Variants in PPP1R1C observed in about 807,000 individuals in gnomAD.
PPP1R1C encodes the protein protein phosphatase 1 regulatory subunit 1C.
Under a neutral mutation model 17.4 loss-of-function variants are expected in PPP1R1C, and 15 were observed. That is an observed-to-expected ratio of 0.86 (90% confidence interval 0.58 to 1.33). The LOEUF is 1.33. PPP1R1C is among the 40% of genes most tolerant of loss of function. The pLI is 0.00. For missense variants in PPP1R1C, 143 were observed against 130.0 expected (o/e 1.10, Z -0.48); for synonymous variants, 35 against 43.1 (o/e 0.81, Z 0.73).
At chr2:182,124,339 G>GTTTTTTTTTTTTTTTTTTTTTTT (rs1378403544) in intron 5 of PPP1R1C, among the ~76,000 whole-genome samples, 1 of 52,162 alleles carries the variant, frequency 1.9e-5, no homozygotes, top group African/African-American at 6.5e-5. Context: ...TTTTTTTTTT[G>GTTTTTTTTTTTTTTTTTTTTTTT]TTTTTTTTTT....
upstream of PPP1R1C, among the ~76,000 whole-genome samples, chr2:181,982,479 G>A (rs147616424): frequency 4.9e-3 from 751 of 152,208 alleles, 6 homozygotes; most frequent in Admixed American, 4.3e-3. Flanking sequence ...AGATAGGATG[G>A]GATTTGCAGT....
chr2:182,045,537 T>C lies in PPP1R1C; in HGVS notation c.143-15905T>C, dbSNP rs111630174. Among the ~76,000 whole-genome samples, 9 of 152,238 alleles carry C rather than the reference T, an allele frequency of 5.9e-5. 3 individuals carry two copies. Among genetic ancestry groups the C allele is most frequent in the African/African-American group, 2.2e-4 (9 of 41,570 alleles). On this transcript the variant is annotated intron_variant, in intron 2 of 4. Transcript: ENST00000682840. ...TTTATAATCATCCATATGTATTTAA[T>C]GTGTACAGTAACATCTTGTGATTTT... is the stretch of plus-strand genomic sequence containing the variant.
intron 2 of PPP1R1C, among the ~76,000 whole-genome samples, chr2:182,014,454 G>A (rs566706880): frequency 1.7e-4 from 25 of 150,508 alleles, no homozygotes; most frequent in South Asian, 4.2e-4. Context: ...TGATGCAGGC[G>A]TCGTGTGGCC....
upstream of PPP1R1C, among the ~76,000 whole-genome samples, chr2:181,984,788 CAT>C (rs1403823688): frequency 3.9e-5 from 6 of 152,254 alleles, no homozygotes; most frequent in African/African-American, 1.4e-4. Context: ...CATCCAAAAA[CAT>C]ATTTACAAAT....
chr2:181,961,956 G>T lies in PPP1R1C; in HGVS notation n.111+7322G>T. ...TGGATGTCACTCCCCACAGACGGGT[G>T]CATGGCCAGCTCTGTCTCATACTTG... is the stretch of plus-strand genomic sequence containing the variant. On this transcript the variant is annotated intron_variant and non_coding_transcript_variant, in intron 1 of 5. Transcript: ENST00000464264. This position sits in a 1 kb window ranked among gnomAD's most constrained non-coding sequence, Gnocchi z 5.8. The T allele has an allele frequency of 1.4e-6, 1 of 737,376 alleles. No homozygotes were observed. The highest frequency in any genetic ancestry group is 2.5e-6 in the Non-Finnish European group (1 of 399,990). The allele number at this position is 737,376 out of a possible 1,614,324, so 45.7% of individuals were successfully genotyped here.
intron 4 of PPP1R1C, among the ~76,000 whole-genome samples, chr2:182,113,864 A>T (rs1285821650): frequency 6.6e-6 from 1 of 152,178 alleles, no homozygotes; most frequent in East Asian, 1.9e-4. Flanking sequence ...ATTGATTAAA[A>T]ATATTGGCCT....
At chr2:182,037,232 A>T (rs1687038594) in intron 2 of PPP1R1C, among the ~76,000 whole-genome samples, 1 of 152,218 alleles carries the variant, frequency 6.6e-6, no homozygotes, top group African/African-American at 2.4e-5. Context: ...CTACAAGAGA[A>T]ATTCTCCTCC....
intron 2 of PPP1R1C, among the ~76,000 whole-genome samples, chr2:181,996,247 C>T (rs1685609177): frequency 6.6e-6 from 1 of 152,144 alleles, no homozygotes; most frequent in Non-Finnish European, 1.5e-5. Context: ...AGAAAAATTG[C>T]CTACCTGGAG....
At chr2:182,098,103 A>G (rs1449799036) in intron 4 of PPP1R1C, among the ~76,000 whole-genome samples, 1 of 152,140 alleles carries the variant, frequency 6.6e-6, no homozygotes, top group Non-Finnish European at 1.5e-5. Context: ...TCCATATCCT[A>G]GATGACAATT....
chr2:182,086,937 A>C lies in PPP1R1C; in HGVS notation c.241+23146A>C, dbSNP rs368918597. 2.9e-3 allele frequency among the ~76,000 whole-genome samples: 446 copies of C among 151,898 alleles called. 2 individuals carry two copies. The highest frequency in any genetic ancestry group is 0.01 in the African/African-American group (432 of 41,508). The stretch of plus-strand genomic sequence containing the variant: ...ACTACAGGGGAGAAAATACCAAAAA[A>C]AAAAACAAAAACACTTCTTTCTCTC... On this transcript the variant is annotated intron_variant, in intron 4 of 4. Transcript: ENST00000682840.
In PPP1R1C at chr2:182,079,147, T is replaced by G. The variant is rs1197245458; in HGVS notation, c.241+15356T>G. ...GCTATAAAAGAAGCTATGTAAACAC[T>G]ATATTCTGATGAAGAGGATTTAGAT... On this transcript the variant is annotated intron_variant, in intron 4 of 4. Coordinates refer to ENST00000682840, the MANE Select transcript of PPP1R1C (RefSeq NM_001080545.3). Among the ~76,000 whole-genome samples the G allele has an allele frequency of 4.6e-5, 7 of 152,318 alleles. No individual in the cohort carries two copies. In the South Asian group the frequency reaches 1.5e-3, roughly 32 times the overall value.
intron 1 of PPP1R1C, among the ~76,000 whole-genome samples, chr2:181,959,886 T>C (rs1347921321): frequency 6.6e-6 from 1 of 152,180 alleles, no homozygotes; most frequent in African/African-American, 2.4e-5. Flanking sequence ...CAGTTAATAA[T>C]GTTTTTAACT....
At chr2:182,025,909 T>C (rs1177214346) in intron 2 of PPP1R1C, among the ~76,000 whole-genome samples, 2 of 146,316 alleles carry the variant, frequency 1.4e-5, no homozygotes, top group Non-Finnish European at 3.0e-5. Context: ...TTCTAACTGG[T>C]GTGAGATGGT....
intron 2 of PPP1R1C, among the ~76,000 whole-genome samples, 170 bp from the exon 3 acceptor site, chr2:182,061,272 T>C (rs890427560): frequency 8.5e-5 from 13 of 152,116 alleles, no homozygotes; most frequent in African/African-American, 1.2e-4. Context: ...GAAGGTTATA[T>C]CAAAAGGAAA....
At chr2:182,069,209 C>T (rs778496064) in intron 4 of PPP1R1C, among the ~76,000 whole-genome samples, 15 of 151,486 alleles carry the variant, frequency 9.9e-5, no homozygotes, top group Admixed American at 2.0e-4. Flanking sequence ...TTATGCAGCT[C>T]AAGAAACATT....
intron 2 of PPP1R1C, among the ~76,000 whole-genome samples, chr2:181,997,039 C>G (rs1028405971): frequency 3.3e-5 from 5 of 152,036 alleles, no homozygotes; most frequent in Admixed American, 3.3e-4. Context: ...ACCATCCTGG[C>G]TAACATGGTG....
At chr2:181,960,169 G>T (rs1684745633) in intron 1 of PPP1R1C, among the ~76,000 whole-genome samples, 1 of 152,212 alleles carries the variant, frequency 6.6e-6, no homozygotes, top group Non-Finnish European at 1.5e-5. Context: ...GTTAGCTACA[G>T]AGTAAGTCAT....
chr2:182,072,683 C>T (rs558557478), intron 4 of PPP1R1C, among the ~76,000 whole-genome samples: 8 of 152,264 alleles, frequency 5.3e-5, no homozygotes, highest in Admixed American at 2.0e-4. Flanking sequence ...AATACAGAGA[C>T]CATGCAACCT....
At chr2:182,111,375 T>C (rs1449358342) in intron 4 of PPP1R1C, among the ~76,000 whole-genome samples, 1 of 152,166 alleles carries the variant, frequency 6.6e-6, no homozygotes, top group Non-Finnish European at 1.5e-5. Flanking sequence ...CATGTGTTGA[T>C]TTGCAGCTTA....
Sources: gnomAD v4.1 joint callset for allele counts (sites outside exome capture counted in the v4.1 genomes callset) on GRCh38, gnomAD v4.1.1 for gene constraint, Gnocchi (gnomAD v3.1) non-coding constraint, MANE v1.5 for transcripts, NCBI Gene and HGNC (gene_info 2026-07-23, HGNC 2026-07-21) for gene names.